Variants in AUTS2 observed in about 807,000 individuals in gnomAD.
The protein encoded by AUTS2 is activator of transcription and developmental regulator AUTS2.
In AUTS2, 17 loss-of-function variants were observed where a neutral mutation model predicts 112.4. That is an observed-to-expected ratio of 0.15 (90% CI 0.10 to 0.23). The LOEUF (loss-of-function observed/expected upper bound fraction) is 0.23, where lower values mean the gene tolerates loss of function less well. Ranked by LOEUF, AUTS2 falls within the 10% of genes least tolerant of loss-of-function variation. The probability of loss-of-function intolerance (pLI) is 1.00; values close to 1 mark genes in which losing one functional copy is unlikely to be tolerated. For synonymous variants in AUTS2, 751 were observed against 702.7 expected (o/e 1.07, Z -1.09); for missense variants, 1,510 against 1,701.6 (o/e 0.89, Z 1.98).
intron 4 of AUTS2, among the ~76,000 whole-genome samples, chr7:70,137,623 A>G (rs997491709): frequency 2.6e-5 from 4 of 152,166 alleles, no homozygotes; most frequent in Non-Finnish European, 5.9e-5. Context: ...GACTACCTGT[A>G]TGACCTTGGT....
At chr7:69,965,543 G>C (rs1797603908) in intron 2 of AUTS2, among the ~76,000 whole-genome samples, 1 of 152,154 alleles carries the variant, frequency 6.6e-6, no homozygotes, top group African/African-American at 2.4e-5. Flanking sequence ...CAGACTTAGG[G>C]TTGAGGATAA....
chr7:70,234,444 A>G (rs1443379088), intron 4 of AUTS2, among the ~76,000 whole-genome samples: 1 of 152,152 alleles, frequency 6.6e-6, no homozygotes, highest in African/African-American at 2.4e-5. Flanking sequence ...TCTACCAAAT[A>G]GTAATAATTG....
intron 4 of AUTS2, among the ~76,000 whole-genome samples, chr7:70,237,215 A>G (rs1380541568): frequency 6.6e-6 from 1 of 152,176 alleles, no homozygotes; most frequent in Non-Finnish European, 1.5e-5. Context: ...GCATTTTTCA[A>G]AGTCTCATAT....
intron 5 of AUTS2, among the ~76,000 whole-genome samples, chr7:70,505,406 G>C (rs1353752396): frequency 1.3e-5 from 2 of 152,164 alleles, no homozygotes; most frequent in Admixed American, 6.5e-5. Flanking sequence ...CCAAATGATA[G>C]ACCCAGGACA....
At chr7:70,617,708 C>T (rs1177362973) in intron 5 of AUTS2, among the ~76,000 whole-genome samples, 1 of 151,572 alleles carries the variant, frequency 6.6e-6, no homozygotes. Flanking sequence ...AGAAAGTGAC[C>T]GAGGGAGAGG....
At chr7:69,970,944 G>A (rs568646520) in intron 2 of AUTS2, among the ~76,000 whole-genome samples, 4 of 152,218 alleles carry the variant, frequency 2.6e-5, no homozygotes, top group South Asian at 2.1e-4. Context: ...AGGCCAAGGC[G>A]GGAGAATCCC....
chr7:70,348,759 C>T (rs1175251017), intron 4 of AUTS2, among the ~76,000 whole-genome samples: 4 of 152,076 alleles, frequency 2.6e-5, no homozygotes, highest in Non-Finnish European at 5.9e-5. Flanking sequence ...TGCAGTGAGC[C>T]GAGATCATGC....
chr7:70,033,593 A>G (rs1042459935), intron 2 of AUTS2, among the ~76,000 whole-genome samples: 1 of 152,208 alleles, frequency 6.6e-6, no homozygotes, highest in Non-Finnish European at 1.5e-5. Flanking sequence ...GGAAGCAGAG[A>G]CTAATAAGGA....
chr7:70,747,988 A>ATTTTTTTT lies in AUTS2; in HGVS notation c.743-14868_743-14861dup, dbSNP rs770222247. 9.2e-5 allele frequency among the ~76,000 whole-genome samples: 10 copies of ATTTTTTTT among 108,502 alleles called. No individual in the cohort carries two copies. In the South Asian group the frequency reaches 3.2e-3, roughly 34 times the overall value. 71.2% of individuals were successfully genotyped at this position (108,502 alleles called of 152,430 possible). A position where few individuals can be genotyped will look rare whatever the true frequency, so the allele number is the denominator to read the frequency against. ...AGGCACCTGCCACCACGCCCAGCCA[A>ATTTTTTTT]TTTTTTTTTTTTTTTTTTTTTAGTA... On this transcript the variant is annotated intron_variant, in intron 6 of 18. Coordinates refer to ENST00000342771, the MANE Select transcript of AUTS2 (RefSeq NM_015570.4).
intron 4 of AUTS2, among the ~76,000 whole-genome samples, chr7:70,205,567 C>T (rs1366504127): frequency 6.6e-6 from 1 of 152,166 alleles, no homozygotes; most frequent in East Asian, 1.9e-4. Flanking sequence ...CTATGCTATT[C>T]AGTACAGTAA....
chr7:70,775,450 CA>C, intron 13 of AUTS2, 64 bp downstream of exon 13: 1 of 1,280,270 alleles, frequency 7.8e-7, no homozygotes, highest in Non-Finnish European at 1.1e-6. Flanking sequence ...GTTAAAAATA[CA>C]AGTCTATTAC....
intron 2 of AUTS2, among the ~76,000 whole-genome samples, chr7:70,004,847 C>T (rs1344677034): frequency 6.8e-6 from 1 of 146,494 alleles, no homozygotes; most frequent in Admixed American, 6.8e-5. Context: ...ATTTAGAGAC[C>T]GAGTTTCGCT....
intron 1 of AUTS2, among the ~76,000 whole-genome samples, chr7:69,857,070 A>G (rs1792761919): frequency 6.6e-6 from 1 of 152,198 alleles, no homozygotes; most frequent in African/African-American, 2.4e-5. Context: ...TGTGCATAGT[A>G]ATCCTTAAGC....
intron 14 of AUTS2, among the ~76,000 whole-genome samples, chr7:70,778,677 G>A (rs1248379209): frequency 1.3e-5 from 2 of 152,084 alleles, no homozygotes; most frequent in Non-Finnish European, 2.9e-5. Context: ...TCAGATACCT[G>A]CTCTTTCTTA....
intron 1 of AUTS2, among the ~76,000 whole-genome samples, chr7:69,704,146 T>A (rs915819910): frequency 3.3e-5 from 5 of 152,202 alleles, no homozygotes; most frequent in African/African-American, 1.2e-4. Flanking sequence ...CAGTGGTCTT[T>A]CAGAAATCCC....
chr7:69,886,351 C>G (rs552766287), intron 1 of AUTS2, among the ~76,000 whole-genome samples: 1 of 152,128 alleles, frequency 6.6e-6, no homozygotes, highest in Non-Finnish European at 1.5e-5. Context: ...AGAATTATTC[C>G]TTTAGTAGTA....
chr7:70,436,314 T>C (rs1795892663), intron 5 of AUTS2: 1 of 152,558 alleles, frequency 6.6e-6, no homozygotes, highest in Non-Finnish European at 1.5e-5. Flanking sequence ...GACCGCCAGG[T>C]AGGAGGACAG....
intron 2 of AUTS2, among the ~76,000 whole-genome samples, chr7:69,918,294 C>A (rs1412657468): frequency 6.6e-6 from 1 of 152,130 alleles, no homozygotes; most frequent in Non-Finnish European, 1.5e-5. Flanking sequence ...AGATCAATTT[C>A]TTTTTTCATA....
At chr7:70,719,079 T>C (rs1313674217) in intron 6 of AUTS2, among the ~76,000 whole-genome samples, 1 of 152,198 alleles carries the variant, frequency 6.6e-6, no homozygotes, top group Non-Finnish European at 1.5e-5. Context: ...TCACTTCAAT[T>C]AACCCATGGA....
Sources: gnomAD v4.1 joint callset for allele counts (sites outside exome capture counted in the v4.1 genomes callset) on GRCh38, gnomAD v4.1.1 for gene constraint, MANE v1.5 for transcripts, NCBI Gene and HGNC (gene_info 2026-07-23, HGNC 2026-07-21) for gene names.